The following RPS6KA5 variants were observed in gnomAD, a reference collection of about 807,000 sequenced individuals.
The protein encoded by RPS6KA5 is ribosomal protein S6 kinase alpha-5.
Under a neutral mutation model 85.5 loss-of-function variants are expected in RPS6KA5, and 27 were observed. The ratio of observed to expected loss-of-function variants is 0.32; its 90% CI spans 0.23 to 0.44. The LOEUF is 0.44. RPS6KA5 is among the 20% of genes least tolerant of loss of function. RPS6KA5 has a pLI of 1.00. For synonymous variants in RPS6KA5, 334 were observed against 348.2 expected (o/e 0.96, Z 0.46); for missense variants, 811 against 980.9 (o/e 0.83, Z 2.31).
chr14:90,938,086 A>C (rs1038155443), intron 5 of RPS6KA5, among the ~76,000 whole-genome samples: 1 of 152,218 alleles, frequency 6.6e-6, no homozygotes, highest in African/African-American at 2.4e-5. Context: ...TCTTAGACAC[A>C]ACAGGAGTAC....
intron 13 of RPS6KA5, among the ~76,000 whole-genome samples, chr14:90,893,099 G>C (rs947039786): frequency 1.1e-4 from 17 of 152,098 alleles, no homozygotes; most frequent in Non-Finnish European, 5.9e-5. Flanking sequence ...TAAAACATGT[G>C]AAAATGAATT....
Position 90,865,480 on chromosome 14 carries a change from T to C in RPS6KA5, c.*6594A>G, listed in dbSNP as rs1262846495. On this transcript the variant is annotated 3_prime_UTR_variant, in exon 17 of 17. Transcript: ENST00000614987. ...CAGTGACAGAGGTCAGAGTGGTGGTTATGTATGAGGACTGACTGGGAGCCT... is the reference window on the plus strand; with the variant it reads ...CAGTGACAGAGGTCAGAGTGGTGGTCATGTATGAGGACTGACTGGGAGCCT... 6.6e-6 allele frequency: 1 copy of C among 152,232 alleles called. No homozygotes were observed. Among genetic ancestry groups the C allele is most frequent in the Non-Finnish European group, 1.5e-5 (1 of 68,046 alleles). The allele number at this position is 152,232 out of a possible 1,614,324, so 9.4% of individuals were successfully genotyped here.
chr14:90,985,432 T>A (rs559106144), intron 2 of RPS6KA5, among the ~76,000 whole-genome samples: 1 of 152,246 alleles, frequency 6.6e-6, no homozygotes. Flanking sequence ...CAGAGGCCCC[T>A]GCTTTACGTC....
chr14:90,963,031 G>C (rs1002655580), intron 3 of RPS6KA5, among the ~76,000 whole-genome samples: 1 of 152,060 alleles, frequency 6.6e-6, no homozygotes, highest in African/African-American at 2.4e-5. Context: ...CCCCAATAAT[G>C]CTCTTTGTGG....
At chr14:90,885,072 G>A (rs1455733967) in intron 14 of RPS6KA5, among the ~76,000 whole-genome samples, 1 of 151,584 alleles carries the variant, frequency 6.6e-6, no homozygotes, top group Non-Finnish European at 1.5e-5. Flanking sequence ...GGGCAACATG[G>A]CAAAACCCCA....
rs1231487250 is a variant in RPS6KA5, at chr14:90,852,931, CCAT to C, written c.*19140_*19142del. ...TATTTTTAGTAGAGACAGGGTTTCACCATGTTAGCCAGGATGGTCTCAATCTCC... is the reference window on the plus strand; with the variant it reads ...TATTTTTAGTAGAGACAGGGTTTCACGTTAGCCAGGATGGTCTCAATCTCC... On this transcript the variant is annotated 3_prime_UTR_variant, in exon 17 of 17. Coordinates refer to ENST00000614987, the MANE Select transcript of RPS6KA5 (RefSeq NM_004755.4). 1 of 152,008 alleles carries C rather than the reference CCAT, an allele frequency of 6.6e-6. No homozygotes were observed. The highest frequency in any genetic ancestry group is 2.4e-5 in the African/African-American group (1 of 41,330). 9.4% of individuals were successfully genotyped at this position (152,008 alleles called of 1,614,324 possible). A position where few individuals can be genotyped will look rare whatever the true frequency, so the allele number is the denominator to read the frequency against.
intron 2 of RPS6KA5, among the ~76,000 whole-genome samples, chr14:90,984,631 T>G (rs1367522832): frequency 6.6e-6 from 1 of 152,198 alleles, no homozygotes; most frequent in Non-Finnish European, 1.5e-5. Context: ...CCAAAGGAAG[T>G]GTCATAGAAA....
intron 3 of RPS6KA5, among the ~76,000 whole-genome samples, chr14:90,976,435 T>C (rs1286083): frequency 0.21 from 31,581 of 152,022 alleles, 3,494 homozygotes; most frequent in East Asian, 0.32. Flanking sequence ...GGGTAAAGAA[T>C]AGAAATAAAC....
chr14:90,905,164 CCTT>C (rs2035433179), intron 8 of RPS6KA5, among the ~76,000 whole-genome samples: 2 of 151,912 alleles, frequency 1.3e-5, no homozygotes, highest in South Asian at 2.1e-4. Flanking sequence ...GAGAAATATG[CCTT>C]TTTTTGAGCA....
intron 5 of RPS6KA5, among the ~76,000 whole-genome samples, chr14:90,931,483 T>C (rs1463011388): frequency 6.6e-6 from 1 of 152,102 alleles, no homozygotes; most frequent in East Asian, 1.9e-4. Context: ...GAACCATATA[T>C]TCACAAACAG....
intron 1 of RPS6KA5, among the ~76,000 whole-genome samples, chr14:91,004,507 A>G (rs2040925647): frequency 6.6e-6 from 1 of 152,200 alleles, no homozygotes; most frequent in Non-Finnish European, 1.5e-5. Context: ...GTCTTTGCTC[A>G]AAGGAAAAAT....
intron 7 of RPS6KA5, among the ~76,000 whole-genome samples, chr14:90,909,677 T>G (rs535126454): frequency 6.6e-6 from 1 of 152,212 alleles, no homozygotes; most frequent in Non-Finnish European, 1.5e-5. Context: ...TATTACAATG[T>G]ATCATGAAAT....
At chr14:91,016,666 C>T in intron 1 of RPS6KA5, among the ~76,000 whole-genome samples, 1 of 151,988 alleles carries the variant, frequency 6.6e-6, no homozygotes. Flanking sequence ...AGCAGCATTC[C>T]ACCATCAAAT....
chr14:90,849,314 C>T lies in RPS6KA5; in HGVS notation c.*22760G>A, dbSNP rs957780593. 14 of 152,228 alleles carry T rather than the reference C, an allele frequency of 9.2e-5. No individual in the cohort carries two copies. The highest frequency in any genetic ancestry group is 2.9e-4 in the African/African-American group (12 of 41,456). The allele number at this position is 152,228 out of a possible 1,614,324, so 9.4% of individuals were successfully genotyped here. On this transcript the variant is annotated 3_prime_UTR_variant, in exon 17 of 17. Transcript: ENST00000614987. ...ACAAAGTTTTGGCCAGAGATGAACA[C>T]GCACCCATATGTCTGAAGACAAAAG... is the stretch of plus-strand genomic sequence containing the variant.
intron 3 of RPS6KA5, among the ~76,000 whole-genome samples, chr14:90,957,912 T>C (rs2038607465): frequency 6.6e-6 from 1 of 151,072 alleles, no homozygotes; most frequent in African/African-American, 2.4e-5. Flanking sequence ...AAGGCCGAGG[T>C]AGAAGGATAG....
chr14:90,866,991 A>G lies in RPS6KA5; in HGVS notation c.*5083T>C, dbSNP rs540467628. 1.3e-5 allele frequency: 2 copies of G among 152,342 alleles called. No individual in the cohort carries two copies. The highest frequency in any genetic ancestry group is 3.9e-4 in the East Asian group (2 of 5,188). The allele number at this position is 152,342 out of a possible 1,614,324, so 9.4% of individuals were successfully genotyped here. Reference sequence around the variant, plus strand: ...ATGCCTACCACAGCAACAGAGCTTTAATGAGGTTAATTGTCACATACATAT... The same window carrying G: ...ATGCCTACCACAGCAACAGAGCTTTGATGAGGTTAATTGTCACATACATAT... On this transcript the variant is annotated 3_prime_UTR_variant, in exon 17 of 17. Transcript: ENST00000614987.
At chr14:90,884,506 C>T (rs1020812228) in intron 14 of RPS6KA5, among the ~76,000 whole-genome samples, 6 of 152,158 alleles carry the variant, frequency 3.9e-5, no homozygotes, top group Non-Finnish European at 5.9e-5. Context: ...AAGGGATACT[C>T]GACCTATACT....
intron 5 of RPS6KA5, among the ~76,000 whole-genome samples, chr14:90,934,817 GA>G (rs936043072): frequency 6.6e-6 from 1 of 152,130 alleles, no homozygotes; most frequent in African/African-American, 2.4e-5. Context: ...ATATCTGGGG[GA>G]AAAAAATCTC....
chr14:90,873,414 G>GT (rs999179999), intron 16 of RPS6KA5, among the ~76,000 whole-genome samples: 7 of 152,152 alleles, frequency 4.6e-5, no homozygotes, highest in African/African-American at 2.4e-5. Context: ...AATTAAATAT[G>GT]TATTTTGTGG....
Sources: allele counts gnomAD v4.1 joint callset (sites outside exome capture counted in the v4.1 genomes callset), GRCh38; gene constraint gnomAD v4.1.1; transcripts MANE v1.5; gene names NCBI Gene and HGNC (gene_info 2026-07-23, HGNC 2026-07-21).